PRDM2: variants seen among roughly 807,000 people sequenced by gnomAD.
PRDM2 encodes PR domain zinc finger protein 2.
PRDM2 carries 30 observed loss-of-function variants against 130.0 expected under a neutral mutation model. The ratio of observed to expected loss-of-function variants is 0.23; its 90% CI spans 0.17 to 0.31. PRDM2 has a LOEUF of 0.31. Ranked by LOEUF, PRDM2 falls within the 10% of genes least tolerant of loss-of-function variation. The pLI, the probability that PRDM2 is intolerant of heterozygous loss-of-function variation, is 1.00. For missense variants in PRDM2, 2,011 were observed against 2,108.4 expected (o/e 0.95, Z 0.90); for synonymous variants, 871 against 782.4 (o/e 1.11, Z -1.89).
At position 13,761,062 on chromosome 1, in the gene PRDM2, G is replaced by A. The variant is rs55736369; in HGVS notation, c.511+11575G>A. On this transcript the variant is annotated intron_variant, in intron 6 of 9. Coordinates refer to ENST00000311066, the MANE Select transcript of PRDM2 (RefSeq NM_001393986.1). ...GAAACCTGCTTCTCTCTTAAAAGCT[G>A]TCTTGTTTCACTGTTAACCAAACGA... Among the ~76,000 whole-genome samples the A allele has an allele frequency of 9.5e-3, 1,449 of 152,348 alleles. 13 individuals carry two copies. The highest frequency in any genetic ancestry group is 0.027 in the Middle Eastern group (8 of 294).
chr1:13,787,178 G>A lies in PRDM2; in HGVS notation c.5036+4347G>A, dbSNP rs982625935. On this transcript the variant is annotated intron_variant, in intron 8 of 9. Coordinates refer to ENST00000311066, the MANE Select transcript of PRDM2 (RefSeq NM_001393986.1). The stretch of plus-strand genomic sequence containing the variant: ...GTTGCGTTTGTATATCCAAATGGAC[G>A]TTATCCTCTCAGATTCTTATCTGGC... 9 of 983,582 alleles carry A rather than the reference G, an allele frequency of 9.2e-6. No homozygotes were observed. In the South Asian group the frequency reaches 1.9e-4, roughly 21 times the overall value. The allele number at this position is 983,582 out of a possible 1,614,324, so 60.9% of individuals were successfully genotyped here.
intron 8 of PRDM2, chr1:13,788,097 T>C: frequency 1.0e-6 from 1 of 965,710 alleles, no homozygotes; most frequent in Non-Finnish European, 1.2e-6. Flanking sequence ...AAGGACTGCA[T>C]TTTGTACATA....
At chr1:13,807,913 T>C (rs1645109880) in intron 8 of PRDM2, among the ~76,000 whole-genome samples, 2 of 152,142 alleles carry the variant, frequency 1.3e-5, no homozygotes, top group Non-Finnish European at 1.5e-5. Context: ...GTGTTTGAGG[T>C]CTGCCCTCTG....
At chr1:13,742,256 A>C in intron 5 of PRDM2, 99 bp downstream of exon 5, 5 of 1,343,682 alleles carry the variant, frequency 3.7e-6, no homozygotes, top group Non-Finnish European at 5.2e-6. Flanking sequence ...GCTGGAGTGC[A>C]GGGGCTCCAT....
At chr1:13,738,404 T>A (rs1284052055) in intron 4 of PRDM2, among the ~76,000 whole-genome samples, 1 of 152,218 alleles carries the variant, frequency 6.6e-6, no homozygotes, top group Non-Finnish European at 1.5e-5. Flanking sequence ...ATAAATTATT[T>A]GTCCAGTGGC....
At chr1:13,705,062 T>C (rs1369132712) in intron 1 of PRDM2, 1 of 152,146 alleles carries the variant, frequency 6.6e-6, no homozygotes, top group Non-Finnish European at 1.5e-5. Context: ...GGGAGGTAAA[T>C]ATATGAATGC....
At chr1:13,786,963 T>G in intron 8 of PRDM2, 1 of 990,836 alleles carries the variant, frequency 1.0e-6, no homozygotes, top group Non-Finnish European at 1.2e-6. Flanking sequence ...TTAAAACGTT[T>G]TGGTCACATA....
At chr1:13,751,574 A>T (rs2100546029) in intron 6 of PRDM2, among the ~76,000 whole-genome samples, 1 of 147,836 alleles carries the variant, frequency 6.8e-6, no homozygotes, top group African/African-American at 2.5e-5. Context: ...CTTATGTGTG[A>T]CCTCAAACAT....
At chr1:13,704,771 C>A (rs1223198036) in intron 1 of PRDM2, 1 of 152,134 alleles carries the variant, frequency 6.6e-6, no homozygotes, top group Non-Finnish European at 1.5e-5. Flanking sequence ...GTCACTAAAC[C>A]CTTATATACT....
intron 2 of PRDM2, among the ~76,000 whole-genome samples, chr1:13,720,255 T>C (rs891717089): frequency 6.6e-6 from 1 of 152,248 alleles, no homozygotes; most frequent in Admixed American, 6.5e-5. Context: ...AGATGGTACA[T>C]GCAGCTTTAT....
chr1:13,747,769 C>CAAAAAAAAAAAAAAAAAAAA (rs78988090), intron 5 of PRDM2, among the ~76,000 whole-genome samples: 9 of 48,386 alleles, frequency 1.9e-4, no homozygotes, highest in South Asian at 5.8e-4. Context: ...TCCCTCCCCG[C>CAAAAAAAAAAAAAAAAAAAA]AAAAAAAAAA....
At chr1:13,723,370 C>T (rs954316236) in intron 2 of PRDM2, among the ~76,000 whole-genome samples, 4 of 152,206 alleles carry the variant, frequency 2.6e-5, no homozygotes, top group Non-Finnish European at 4.4e-5. Flanking sequence ...TTGGTTGCTG[C>T]GTTCCCCAGG....
chr1:13,716,347 G>A (rs577295973), intron 2 of PRDM2, among the ~76,000 whole-genome samples: 38 of 151,616 alleles, frequency 2.5e-4, no homozygotes, highest in Non-Finnish European at 5.0e-4. Flanking sequence ...TATACCTAAT[G>A]CTAGATGACG....
chr1:13,782,825 A>T lies in PRDM2; in HGVS notation c.5030A>T (p.Asp1677Val). 6.2e-7 allele frequency: 1 copy of T among 1,608,848 alleles called. No homozygotes were observed. The change falls in exon 8 of 10, where the codon GAC (aspartate) becomes GTC (valine). Residue 1677 changes from aspartate (D) to valine (V), a missense_variant. Physicochemically the swap from Asp to Val is radical, Grantham distance 152. Transcript: ENST00000311066. ...EDGSAKQELKDFSYSLRLASR... is the reference protein window; with the variant it reads ...EDGSAKQELKVFSYSLRLASR... ...GGCAGCGCCAAGCAGGAGCTGAAGG[A>T]CTTCAGGTAAGCTCAGGAGCTGGTG...
At chr1:13,765,334 T>C (rs1644199238) in intron 6 of PRDM2, among the ~76,000 whole-genome samples, 2 of 152,242 alleles carry the variant, frequency 1.3e-5, no homozygotes, top group African/African-American at 2.4e-5. Flanking sequence ...TAGGTATCCA[T>C]TTCCAGCTTC....
Position 13,823,443 on chromosome 1 carries a change from C to G in PRDM2, c.*308C>G. On this transcript the variant is annotated 3_prime_UTR_variant, in exon 10 of 10. Coordinates refer to ENST00000311066, the MANE Select transcript of PRDM2 (RefSeq NM_001393986.1). The stretch of plus-strand genomic sequence containing the variant: ...GGACCGTGTTCTGCAGCCCAGCCTT[C>G]CTGTTGGGGTGGGGCCTCTCCTACT... The G allele has an allele frequency of 1.9e-6, 1 of 525,226 alleles. No individual in the cohort carries two copies. The allele number at this position is 525,226 out of a possible 1,614,324, so 32.5% of individuals were successfully genotyped here.
In PRDM2 at chr1:13,731,848, T is replaced by C. The variant is rs563378201; in HGVS notation, c.127+731T>C. On this transcript the variant is annotated intron_variant, in intron 3 of 9. Transcript: ENST00000311066. The stretch of plus-strand genomic sequence containing the variant: ...GTACATATGTATGAAAAAATTTTAA[T>C]ACATGCTTTTAAAAATTCTCATTGG... Among the ~76,000 whole-genome samples, 71 of 152,354 alleles carry C rather than the reference T, an allele frequency of 4.7e-4. 1 individual carries two copies. Among genetic ancestry groups the C allele is most frequent in the African/African-American group, 1.5e-3 (62 of 41,578 alleles).
chr1:13,762,820 T>C (rs1368422467), intron 6 of PRDM2, among the ~76,000 whole-genome samples: 1 of 152,106 alleles, frequency 6.6e-6, no homozygotes, highest in Admixed American at 6.5e-5. Flanking sequence ...CTTTACATCC[T>C]CCCCTGCGAT....
chr1:13,819,098 G>A (rs1249904632), intron 9 of PRDM2, among the ~76,000 whole-genome samples: 1 of 152,152 alleles, frequency 6.6e-6, no homozygotes, highest in Non-Finnish European at 1.5e-5. Flanking sequence ...AGGCTGCTAC[G>A]TGAACCTTCT....
Sources: gnomAD v4.1 joint callset for allele counts (sites outside exome capture counted in the v4.1 genomes callset) on GRCh38, gnomAD v4.1.1 for gene constraint, MANE v1.5 for transcripts, NCBI Gene and HGNC (gene_info 2026-07-23, HGNC 2026-07-21) for gene names.